The following GTF2F2 variants were observed in gnomAD, a reference collection of about 807,000 sequenced individuals.
The protein encoded by GTF2F2 is general transcription factor IIF subunit 2, also known as ATP-dependent helicase GTF2F2.
In GTF2F2, 23 loss-of-function variants were observed where a neutral mutation model predicts 42.2. The ratio of observed to expected loss-of-function variants is 0.55; its 90% confidence interval spans 0.39 to 0.77. GTF2F2 has a LOEUF of 0.77. Among genes scored for constraint, GTF2F2 ranks in the 30% least tolerant of loss-of-function variants. The probability of loss-of-function intolerance (pLI) is 0.00; values close to 1 mark genes in which losing one functional copy is unlikely to be tolerated. For missense variants in GTF2F2, 261 were observed against 287.2 expected, an observed-to-expected ratio of 0.91 and a Z score of 0.66; for synonymous variants, 105 against 100.8, an observed-to-expected ratio of 1.04 and a Z score of -0.25.
intron 4 of GTF2F2, among the ~76,000 whole-genome samples, chr13:45,168,847 C>T (rs1263929878): frequency 2.0e-5 from 3 of 147,878 alleles, no homozygotes; most frequent in Admixed American, 2.0e-4. Context: ...TTCCTTCCCT[C>T]CCTCTTTCCT....
At chr13:45,268,159 A>G (rs989986626) in intron 7 of GTF2F2, among the ~76,000 whole-genome samples, 4 of 152,154 alleles carry the variant, frequency 2.6e-5, no homozygotes, top group Admixed American at 1.3e-4. Flanking sequence ...GTATTTACTT[A>G]TAGGTTTAAG....
At chr13:45,143,186 C>G (rs1870017233) in intron 2 of GTF2F2, among the ~76,000 whole-genome samples, 1 of 152,182 alleles carries the variant, frequency 6.6e-6, no homozygotes, top group African/African-American at 2.4e-5. Context: ...ACTGTACTCA[C>G]AGATGTAGAA....
intron 4 of GTF2F2, among the ~76,000 whole-genome samples, chr13:45,177,202 A>G (rs1173804506): frequency 1.3e-5 from 2 of 152,078 alleles, no homozygotes; most frequent in South Asian, 2.1e-4. Flanking sequence ...TCACTGTTCT[A>G]CAATACCAGC....
intron 5 of GTF2F2, among the ~76,000 whole-genome samples, chr13:45,224,062 T>C (rs1874228402): frequency 6.6e-6 from 1 of 152,234 alleles, no homozygotes; most frequent in Non-Finnish European, 1.5e-5. Flanking sequence ...GAACATAATC[T>C]AACTTTCTCT....
At chr13:45,121,714 C>T (rs1868641417) in intron 1 of GTF2F2, among the ~76,000 whole-genome samples, 1 of 152,196 alleles carries the variant, frequency 6.6e-6, no homozygotes, top group Non-Finnish European at 1.5e-5. Context: ...CTGTCATACC[C>T]AGAATAGTGT....
At chr13:45,281,682 G>A (rs1030017321) in intron 7 of GTF2F2, among the ~76,000 whole-genome samples, 1 of 152,220 alleles carries the variant, frequency 6.6e-6, no homozygotes, top group Non-Finnish European at 1.5e-5. Context: ...TCTGATGCAG[G>A]TGGTCTAGCA....
chr13:45,242,795 G>A (rs1232149941), intron 5 of GTF2F2, among the ~76,000 whole-genome samples: 1 of 152,124 alleles, frequency 6.6e-6, no homozygotes, highest in Admixed American at 6.6e-5. Context: ...TTATTGAGTT[G>A]CTATTATGTG....
chr13:45,230,111 G>A (rs1467973949), intron 5 of GTF2F2, among the ~76,000 whole-genome samples: 1 of 152,092 alleles, frequency 6.6e-6, no homozygotes, highest in East Asian at 1.9e-4. Flanking sequence ...AGCTACTCTG[G>A]AGGCTGAGGA....
intron 1 of GTF2F2, among the ~76,000 whole-genome samples, chr13:45,129,140 A>G (rs1319248329): frequency 6.6e-6 from 1 of 152,196 alleles, no homozygotes; most frequent in African/African-American, 2.4e-5. Flanking sequence ...CTTTAAGAGC[A>G]TTTCAGGGTA....
chr13:45,191,224 A>AAAAAAAAATATATATATATATAT, intron 4 of GTF2F2, among the ~76,000 whole-genome samples: 12 of 75,306 alleles, frequency 1.6e-4, no homozygotes, highest in African/African-American at 7.0e-4. Flanking sequence ...ACAAAAAAAA[A>AAAAAAAAATATATATATATATAT]ATATATATAT....
chr13:45,163,204 AT>A (rs1566119322), intron 4 of GTF2F2, among the ~76,000 whole-genome samples: 1 of 151,844 alleles, frequency 6.6e-6, no homozygotes, highest in East Asian at 1.9e-4. Context: ...CTTCCTTTTG[AT>A]TTTCTGTAGC....
intron 5 of GTF2F2, among the ~76,000 whole-genome samples, chr13:45,208,380 TA>T (rs1442733727): frequency 6.6e-6 from 1 of 152,132 alleles, no homozygotes; most frequent in Admixed American, 6.6e-5. Flanking sequence ...CCTGAGGAAA[TA>T]TATTATACCT....
chr13:45,256,052 A>C (rs1230536897), intron 6 of GTF2F2, among the ~76,000 whole-genome samples: 1 of 152,208 alleles, frequency 6.6e-6, no homozygotes, highest in Non-Finnish European at 1.5e-5. Flanking sequence ...ATTGGAAACA[A>C]GTGTCCCAAA....
At chr13:45,228,761 C>T (rs2138214997) in intron 5 of GTF2F2, among the ~76,000 whole-genome samples, 1 of 151,252 alleles carries the variant, frequency 6.6e-6, no homozygotes, top group South Asian at 2.1e-4. Context: ...ACCTCCGCCT[C>T]CCGGGTTCAA....
At chr13:45,268,549 C>T (rs888205198) in intron 7 of GTF2F2, among the ~76,000 whole-genome samples, 1 of 152,072 alleles carries the variant, frequency 6.6e-6, no homozygotes, top group Non-Finnish European at 1.5e-5. Flanking sequence ...CCAATGACTT[C>T]ACTCCCTTTG....
chr13:45,120,654 C>T lies in GTF2F2; in HGVS notation c.-2C>T. The T allele has an allele frequency of 6.4e-7, 1 of 1,557,106 alleles. No homozygotes were observed. ...CCGCACGCCTCCACCGGCTGCAGAC[C>T]CATGGCCGAGCGCGGGGAACTCGAC... On this transcript the variant is annotated 5_prime_UTR_variant, in exon 1 of 8. Transcript: ENST00000340473.
At chr13:45,272,439 A>AC (rs1210103500) in intron 7 of GTF2F2, among the ~76,000 whole-genome samples, 2 of 141,830 alleles carry the variant, frequency 1.4e-5, no homozygotes, top group Non-Finnish European at 3.0e-5. Flanking sequence ...AAAAAAAAAA[A>AC]ACAAAAAAAA....
At chr13:45,279,887 G>C (rs765942601) in intron 7 of GTF2F2, among the ~76,000 whole-genome samples, 1 of 151,946 alleles carries the variant, frequency 6.6e-6, no homozygotes, top group Admixed American at 6.6e-5. Context: ...CCTGGGCAAC[G>C]AGAGTGAAAC....
chr13:45,221,109 A>C (rs898017690), intron 5 of GTF2F2, among the ~76,000 whole-genome samples: 5 of 152,080 alleles, frequency 3.3e-5, no homozygotes, highest in African/African-American at 7.2e-5. Flanking sequence ...TTCGTGTTTT[A>C]ACTTCACATG....
Sources: gnomAD v4.1 joint callset for allele counts (sites outside exome capture counted in the v4.1 genomes callset) on GRCh38, gnomAD v4.1.1 for gene constraint, MANE v1.5 for transcripts, NCBI Gene and HGNC (gene_info 2026-07-23, HGNC 2026-07-21) for gene names.